Variants in HNRNPC observed in about 807,000 individuals in gnomAD.
HNRNPC encodes heterogeneous nuclear ribonucleoprotein C.
Under a neutral mutation model 33.2 loss-of-function variants are expected in HNRNPC, and 3 were observed. That is an observed-to-expected ratio of 0.09 (90% confidence interval 0.04 to 0.23). HNRNPC has a LOEUF of 0.23. Ranked by LOEUF, HNRNPC falls within the 10% of genes least tolerant of loss-of-function variation. The pLI, the probability that HNRNPC is intolerant of heterozygous loss-of-function variation, is 1.00. For synonymous variants in HNRNPC, 121 were observed against 126.7 expected, an observed-to-expected ratio of 0.96 and a Z score of 0.30; for missense variants, 143 against 366.7, an observed-to-expected ratio of 0.39 and a Z score of 4.98.
chr14:21,212,860 A>T, intron 6 of HNRNPC, 100 bp downstream of exon 6: 1 of 1,439,912 alleles, frequency 6.9e-7, no homozygotes, highest in Non-Finnish European at 9.7e-7. Flanking sequence ...CATTATTTTG[A>T]ATACACAAAG....
chr14:21,259,667 T>A (rs1435354990), intron 2 of HNRNPC, among the ~76,000 whole-genome samples: 1 of 152,074 alleles, frequency 6.6e-6, no homozygotes, highest in Non-Finnish European at 1.5e-5. Flanking sequence ...GCTCCTAATT[T>A]TACCTCCTAA....
At chr14:21,239,766 T>C (rs778256234) in intron 2 of HNRNPC, among the ~76,000 whole-genome samples, 1 of 151,774 alleles carries the variant, frequency 6.6e-6, no homozygotes. Flanking sequence ...CCCAGCTACT[T>C]GGGAGGATGA....
At chr14:21,231,389 C>T (rs1050576267) in intron 3 of HNRNPC, 2 of 478,536 alleles carry the variant, frequency 4.2e-6, no homozygotes, top group Non-Finnish European at 8.3e-6. Context: ...GACACTGTCT[C>T]ACTGTCATAC....
intron 2 of HNRNPC, chr14:21,236,231 A>T (rs148162658): frequency 1.7e-4 from 26 of 152,310 alleles, no homozygotes; most frequent in African/African-American, 6.3e-4. Context: ...AATGGTTGTT[A>T]TGAGTTTAAG....
intron 2 of HNRNPC, chr14:21,254,478 A>G (rs1826547204): frequency 6.6e-6 from 1 of 152,126 alleles, no homozygotes; most frequent in Non-Finnish European, 1.5e-5. Flanking sequence ...GGATAGCTGT[A>G]TTTTCTAAAA....
At chr14:21,266,334 C>A (rs1001401149) in intron 1 of HNRNPC, among the ~76,000 whole-genome samples, 1 of 151,874 alleles carries the variant, frequency 6.6e-6, no homozygotes, top group Admixed American at 6.6e-5. Flanking sequence ...CTCCTGACCT[C>A]GTGATCCACC....
chr14:21,213,456 AG>A (rs1891836101), intron 5 of HNRNPC: 1 of 212,746 alleles, frequency 4.7e-6, no homozygotes, highest in Admixed American at 5.2e-5. Flanking sequence ...TATAATGAAT[AG>A]CCTTTGGATC....
intron 6 of HNRNPC, among the ~76,000 whole-genome samples, chr14:21,212,545 ATT>A (rs869076436): frequency 6.9e-6 from 1 of 144,324 alleles, no homozygotes. Flanking sequence ...GTTATTTTGG[ATT>A]TTTTTTTTTT....
intron 2 of HNRNPC, among the ~76,000 whole-genome samples, chr14:21,247,952 C>T (rs1375366815): frequency 1.3e-5 from 2 of 151,806 alleles, no homozygotes; most frequent in African/African-American, 4.8e-5. Context: ...GATCACGCCA[C>T]TGCACTCCAG....
chr14:21,216,638 G>T (rs1156554562), intron 5 of HNRNPC, among the ~76,000 whole-genome samples: 1 of 152,134 alleles, frequency 6.6e-6, no homozygotes, highest in East Asian at 1.9e-4. Context: ...GAACCTAACA[G>T]GCGGAGTTCA....
intron 5 of HNRNPC, among the ~76,000 whole-genome samples, chr14:21,226,332 A>G (rs1309778207): frequency 6.6e-6 from 1 of 151,332 alleles, no homozygotes; most frequent in Non-Finnish European, 1.5e-5. Context: ...CAAAAGAAAA[A>G]AAAAAAAAAA....
chr14:21,257,554 A>C lies in HNRNPC; in HGVS notation c.-37+5757T>G, dbSNP rs1343897988. Among the ~76,000 whole-genome samples, 5 of 151,572 alleles carry C rather than the reference A, an allele frequency of 3.3e-5. No individual in the cohort carries two copies. In the East Asian group the frequency reaches 7.7e-4, roughly 23 times the overall value. ...AACTGAAGTTCACTTCGGTTTTATA[A>C]GTCTTAGAAAAAAAAAAAAGATAGC... On this transcript the variant is annotated intron_variant, in intron 2 of 8. Transcript: ENST00000553300.
intron 2 of HNRNPC, among the ~76,000 whole-genome samples, chr14:21,236,128 G>A (rs1024688494): frequency 4.6e-5 from 7 of 152,058 alleles, no homozygotes; most frequent in African/African-American, 9.7e-5. Flanking sequence ...CATACCCCAC[G>A]GCATTTTTCA....
chr14:21,236,564 G>A (rs976382508), intron 2 of HNRNPC: 1 of 152,116 alleles, frequency 6.6e-6, no homozygotes, highest in African/African-American at 2.4e-5. Flanking sequence ...GGCACAAATA[G>A]TAACAAAGAC....
rs761775731 is a variant in HNRNPC, at chr14:21,231,114, C to T, written c.242-42G>A. The T allele has an allele frequency of 9.6e-6, 15 of 1,555,674 alleles. No individual in the cohort carries two copies. In the African/African-American group the frequency reaches 1.2e-4, roughly 13 times the overall value. ...AAAATGTTAATGACAACTTTGTATCCGGGTAAAACAAACTACAAAGTTTAT... is the reference window on the plus strand; with the variant it reads ...AAAATGTTAATGACAACTTTGTATCTGGGTAAAACAAACTACAAAGTTTAT... On this transcript the variant is annotated intron_variant, in intron 3 of 8. Coordinates refer to ENST00000553300, the MANE Select transcript of HNRNPC (RefSeq NM_004500.4).
chr14:21,249,420 C>T (rs868401748), intron 2 of HNRNPC, among the ~76,000 whole-genome samples: 13 of 110,138 alleles, frequency 1.2e-4, no homozygotes, highest in Non-Finnish European at 2.4e-4. Context: ...ACTAAAAATA[C>T]AAAAAAAAAA....
At chr14:21,252,493 A>G (rs549540826) in intron 2 of HNRNPC, among the ~76,000 whole-genome samples, 1 of 152,194 alleles carries the variant, frequency 6.6e-6, no homozygotes, top group South Asian at 2.1e-4. Flanking sequence ...TTGTATTCTT[A>G]GCAGAGACAG....
intron 3 of HNRNPC, among the ~76,000 whole-genome samples, chr14:21,233,630 A>G (rs144251563): frequency 1.2e-3 from 189 of 152,288 alleles, no homozygotes; most frequent in Middle Eastern, 3.4e-3. Context: ...ACAAGCAATC[A>G]ACACTAGAGG....
intron 5 of HNRNPC, among the ~76,000 whole-genome samples, chr14:21,222,802 G>A (rs1342283204): frequency 6.6e-6 from 1 of 152,120 alleles, no homozygotes; most frequent in Non-Finnish European, 1.5e-5. Flanking sequence ...GCTGAGGCAG[G>A]AGAATGGCGT....
Sources: allele counts gnomAD v4.1 joint callset (sites outside exome capture counted in the v4.1 genomes callset), GRCh38; gene constraint gnomAD v4.1.1; transcripts MANE v1.5; gene names NCBI Gene and HGNC (gene_info 2026-07-23, HGNC 2026-07-21).